The following GABRG3 variants were observed in gnomAD, a reference collection of about 807,000 sequenced individuals.
The protein encoded by GABRG3 is gamma-aminobutyric acid receptor subunit gamma-3.
GABRG3 carries 25 observed loss-of-function variants against 48.8 expected under a neutral mutation model. That is an observed-to-expected ratio of 0.51 (90% CI 0.37 to 0.72). The LOEUF is 0.72. Among genes scored for constraint, GABRG3 ranks in the 30% least tolerant of loss-of-function variants. The pLI is 0.00. For synonymous variants in GABRG3, 227 were observed against 217.6 expected (o/e 1.04, Z -0.38); for missense variants, 394 against 577.9 (o/e 0.68, Z 3.26).
chr15:27,272,997 C>T (rs959139808), intron 3 of GABRG3, among the ~76,000 whole-genome samples: 1 of 152,174 alleles, frequency 6.6e-6, no homozygotes, highest in Non-Finnish European at 1.5e-5. Flanking sequence ...CAACCATCGA[C>T]TACACATAAA....
At position 27,529,689 on chromosome 15, in the gene GABRG3, A is replaced by G. The variant is rs1297909350; in HGVS notation, c.1122+1697A>G. 2.6e-5 allele frequency among the ~76,000 whole-genome samples: 4 copies of G among 152,244 alleles called. No homozygotes were observed. In the East Asian group the frequency reaches 5.8e-4, roughly 22 times the overall value. ...ACAGAGAACATAACAGATTTTGCCA[A>G]CAAATGCTTCCAAGTGGCGTGGGAC... On this transcript the variant is annotated intron_variant, in intron 9 of 9. Transcript: ENST00000615808.
At chr15:27,382,859 G>C (rs192670151) in intron 5 of GABRG3, among the ~76,000 whole-genome samples, 2 of 152,292 alleles carry the variant, frequency 1.3e-5, no homozygotes, top group African/African-American at 4.8e-5. Flanking sequence ...AACGATTAGG[G>C]AAACATCTGG....
chr15:27,315,115 G>C (rs1030225739), intron 3 of GABRG3, among the ~76,000 whole-genome samples: 1 of 152,160 alleles, frequency 6.6e-6, no homozygotes, highest in African/African-American at 2.4e-5. Flanking sequence ...CCTATAAGGT[G>C]AATGAGTAAG....
At position 27,035,539 on chromosome 15, in the gene GABRG3, G is replaced by A. The variant is rs368158436; in HGVS notation, c.270+8718G>A. ...CCTCTGACAAGAGCACCGTCTTTAT[G>A]TTCCACAAAACTCCTTTTGTGAAAA... On this transcript the variant is annotated intron_variant, in intron 3 of 9. Transcript: ENST00000615808. Among the ~76,000 whole-genome samples, 4 of 152,236 alleles carry A rather than the reference G, an allele frequency of 2.6e-5. No individual in the cohort carries two copies. The South Asian group carries it at 8.3e-4, about 31-fold the overall frequency.
rs185324116 is a variant in GABRG3 at position 27,459,706 on chromosome 15, C to T, written c.575-20944C>T. Among the ~76,000 whole-genome samples the T allele has an allele frequency of 7.0e-4, 107 of 152,228 alleles. No homozygotes were observed. The South Asian group carries it at 0.014, about 20-fold the overall frequency. ...AACTTGATCAAAGTGAAAATTTCAACACTGGTCATTAGATGGTCTTTGCAA... is the reference window on the plus strand; with the variant it reads ...AACTTGATCAAAGTGAAAATTTCAATACTGGTCATTAGATGGTCTTTGCAA... On this transcript the variant is annotated intron_variant, in intron 5 of 9. Coordinates refer to ENST00000615808, the MANE Select transcript of GABRG3 (RefSeq NM_033223.5).
chr15:27,133,549 A>G (rs181281893), intron 3 of GABRG3, among the ~76,000 whole-genome samples: 45 of 152,260 alleles, frequency 3.0e-4, no homozygotes, highest in African/African-American at 3.4e-4. Flanking sequence ...ATGCATTTCT[A>G]CCTTTGAAAC....
chr15:27,238,655 CTAAA>C (rs1476468261), intron 3 of GABRG3, among the ~76,000 whole-genome samples: 1 of 152,204 alleles, frequency 6.6e-6, no homozygotes, highest in African/African-American at 2.4e-5. Context: ...ATGTAATTGA[CTAAA>C]TAATTATTAC....
At chr15:27,328,724 T>A in intron 4 of GABRG3, 82 bp from the exon 5 acceptor site, 1 of 1,161,796 alleles carries the variant, frequency 8.6e-7, no homozygotes, top group Non-Finnish European at 1.3e-6. Context: ...GCCCTCTCCA[T>A]CCCCACATGG....
chr15:27,348,163 T>A (rs367922629), intron 5 of GABRG3, among the ~76,000 whole-genome samples: 137,474 of 137,480 alleles, frequency 1, 68,734 homozygotes, highest in Middle Eastern at 1. Flanking sequence ...CTCAAATAAA[T>A]AAAGAGTTGG....
chr15:27,307,075 CAT>C (rs1460172727), intron 3 of GABRG3, among the ~76,000 whole-genome samples: 6 of 122,546 alleles, frequency 4.9e-5, no homozygotes, highest in Non-Finnish European at 9.6e-5. Context: ...ATAATATAAA[CAT>C]GTTTATATAT....
At chr15:27,376,710 G>A (rs1895608422) in intron 5 of GABRG3, among the ~76,000 whole-genome samples, 1 of 152,078 alleles carries the variant, frequency 6.6e-6, no homozygotes. Flanking sequence ...AACACCACAG[G>A]GACCTTGAGC....
rs77504368 is a variant in GABRG3 at position 27,503,004 on chromosome 15, A to G, written c.713-16968A>G. Among the ~76,000 whole-genome samples the G allele has an allele frequency of 7.1e-3, 1,075 of 152,316 alleles. 17 individuals are homozygous for G. Among genetic ancestry groups the G allele is most frequent in the African/African-American group, 0.024 (1,018 of 41,578 alleles). On this transcript the variant is annotated intron_variant, in intron 6 of 9. Coordinates refer to ENST00000615808, the MANE Select transcript of GABRG3 (RefSeq NM_033223.5). ...GCCTCTTACAGAGACTTTATTACAT[A>G]GGCATGGCTGGTTAAACCGATGGCC...
At chr15:26,988,806 G>T (rs889567497) in intron 2 of GABRG3, among the ~76,000 whole-genome samples, 2 of 151,874 alleles carry the variant, frequency 1.3e-5, no homozygotes, top group South Asian at 2.1e-4. Flanking sequence ...AAGATTTATA[G>T]TATTGTATAC....
intron 3 of GABRG3, among the ~76,000 whole-genome samples, chr15:27,051,192 A>G (rs920913058): frequency 6.6e-6 from 1 of 151,924 alleles, no homozygotes; most frequent in East Asian, 1.9e-4. Flanking sequence ...ACAATTGTTG[A>G]CTCTCCTGTT....
At chr15:26,993,320 C>A (rs1174444736) in intron 2 of GABRG3, among the ~76,000 whole-genome samples, 1 of 151,818 alleles carries the variant, frequency 6.6e-6, no homozygotes, top group Non-Finnish European at 1.5e-5. Context: ...TGAAGTTTTT[C>A]TTTTTCTATG....
intron 3 of GABRG3, among the ~76,000 whole-genome samples, chr15:27,105,611 G>A (rs1227444354): frequency 1.3e-5 from 2 of 152,104 alleles, no homozygotes; most frequent in African/African-American, 4.8e-5. Context: ...TTTTAGGATG[G>A]CGGTTATCAA....
chr15:27,029,456 C>T (rs113189521), intron 3 of GABRG3, among the ~76,000 whole-genome samples: 175 of 152,054 alleles, frequency 1.2e-3, no homozygotes, highest in African/African-American at 4.0e-3. Context: ...CACACACACA[C>T]GCATGCACAC....
At chr15:27,201,813 A>G (rs779532355) in intron 3 of GABRG3, among the ~76,000 whole-genome samples, 7 of 152,248 alleles carry the variant, frequency 4.6e-5, no homozygotes, top group Non-Finnish European at 7.3e-5. Context: ...ACAGATAAAA[A>G]TGCGACATTA....
intron 3 of GABRG3, among the ~76,000 whole-genome samples, chr15:27,198,118 G>A (rs1487022441): frequency 2.6e-5 from 4 of 152,106 alleles, no homozygotes; most frequent in Non-Finnish European, 5.9e-5. Flanking sequence ...AACACCAAAA[G>A]CAATGACAAC....
Sources: allele counts gnomAD v4.1 joint callset (sites outside exome capture counted in the v4.1 genomes callset), GRCh38; gene constraint gnomAD v4.1.1; transcripts MANE v1.5; gene names NCBI Gene and HGNC (gene_info 2026-07-23, HGNC 2026-07-21).